Variants in PECR observed in about 807,000 individuals in gnomAD.
PECR encodes the protein 2,4-dienoyl-CoA reductase-related protein.
PECR carries 30 observed loss-of-function variants against 35.3 expected under a neutral mutation model. The observed-to-expected ratio is 0.85, with a 90% CI of 0.64 to 1.15. PECR has a LOEUF of 1.15. PECR is among the 50% of genes most tolerant of loss of function. The pLI, the probability that PECR is intolerant of heterozygous loss-of-function variation, is 0.00. For synonymous variants in PECR, 148 were observed against 138.9 expected (o/e 1.07, Z -0.46); for missense variants, 392 against 370.8 (o/e 1.06, Z -0.47).
At chr2:216,067,137 T>C (rs1695482378) in intron 1 of PECR, among the ~76,000 whole-genome samples, 3 of 152,116 alleles carry the variant, frequency 2.0e-5, no homozygotes, top group Admixed American at 2.0e-4. Flanking sequence ...AAAGTCTCCC[T>C]GGCGGAAGAG....
chr2:216,048,741 C>T (rs2105948432), intron 6 of PECR, among the ~76,000 whole-genome samples: 1 of 149,998 alleles, frequency 6.7e-6, no homozygotes, highest in East Asian at 2.0e-4. Context: ...TCATCATCAT[C>T]ATCCCAGCAC....
downstream of PECR, among the ~76,000 whole-genome samples, chr2:216,037,993 C>A (rs1694823351): frequency 6.8e-6 from 1 of 147,760 alleles, no homozygotes; most frequent in Non-Finnish European, 1.5e-5. Flanking sequence ...GCTGAAGCAG[C>A]AGAATCACTT....
At chr2:216,054,308 A>AAT (rs1402024185) in intron 4 of PECR, among the ~76,000 whole-genome samples, 1 of 150,830 alleles carries the variant, frequency 6.6e-6, no homozygotes, top group Non-Finnish European at 1.5e-5. Context: ...GAAAAAAAAA[A>AAT]AAGAAAAGTA....
At chr2:216,064,663 G>A in intron 3 of PECR, among the ~76,000 whole-genome samples, 1 of 152,190 alleles carries the variant, frequency 6.6e-6, no homozygotes, top group East Asian at 1.9e-4. Flanking sequence ...TCACGACTTA[G>A]ACAGAGGTTG....
chr2:216,040,032 A>G (rs1326704427), intron 7 of PECR, among the ~76,000 whole-genome samples: 1 of 152,168 alleles, frequency 6.6e-6, no homozygotes, highest in Non-Finnish European at 1.5e-5. Flanking sequence ...TCAGCCTTAC[A>G]CATAGAAACA....
chr2:216,034,525 C>G (rs575469464), downstream of PECR, among the ~76,000 whole-genome samples: 1 of 152,108 alleles, frequency 6.6e-6, no homozygotes, highest in Admixed American at 6.5e-5. Context: ...TTTTTCCTAC[C>G]CAATTCCCTT....
At chr2:216,054,906 T>C (rs948958161) in intron 4 of PECR, among the ~76,000 whole-genome samples, 4 of 137,116 alleles carry the variant, frequency 2.9e-5, no homozygotes, top group Admixed American at 1.5e-4. Flanking sequence ...AGGTCAGGAG[T>C]TCAAGACCAG....
intron 7 of PECR, among the ~76,000 whole-genome samples, chr2:216,040,189 C>T (rs1048416447): frequency 1.3e-5 from 2 of 152,178 alleles, no homozygotes; most frequent in Non-Finnish European, 2.9e-5. Flanking sequence ...AGTTATGTGC[C>T]AGCGAATTCC....
At position 216,043,729 on chromosome 2, in the gene PECR, C is replaced by T. The variant is rs549848352; in HGVS notation, c.826+175G>A. Reference sequence around the variant, plus strand: ...CATAATATAGATAGTTAGATATTTTCTGTGACTAGGAATATTTCATTAAAA... The same window carrying T: ...CATAATATAGATAGTTAGATATTTTTTGTGACTAGGAATATTTCATTAAAA... On this transcript the variant is annotated intron_variant, in intron 7 of 7. Transcript: ENST00000265322. Among the ~76,000 whole-genome samples the T allele has an allele frequency of 4.9e-4, 74 of 152,250 alleles. No homozygotes were observed. The South Asian group carries it at 0.015, about 32-fold the overall frequency.
At chr2:216,044,640 G>A (rs1190943947) in intron 6 of PECR, among the ~76,000 whole-genome samples, 1 of 152,016 alleles carries the variant, frequency 6.6e-6, no homozygotes, top group African/African-American at 2.4e-5. Flanking sequence ...AGGTTGCAGT[G>A]AGCCAAGACT....
chr2:216,031,661 AAG>A (rs753983198), intron 7 of PECR, among the ~76,000 whole-genome samples: 5 of 72,110 alleles, frequency 6.9e-5, no homozygotes, highest in African/African-American at 1.1e-4. Flanking sequence ...GAAAGAAAGA[AAG>A]AAAGAAAGAA....
At chr2:216,045,120 G>T (rs541340355) in intron 6 of PECR, among the ~76,000 whole-genome samples, 31 of 152,318 alleles carry the variant, frequency 2.0e-4, no homozygotes, top group African/African-American at 7.0e-4. Flanking sequence ...TCCCTCAGAG[G>T]GAGTGGGTCC....
intron 1 of PECR, among the ~76,000 whole-genome samples, chr2:216,068,041 A>G (rs1299458769): frequency 6.6e-6 from 1 of 151,690 alleles, no homozygotes; most frequent in East Asian, 1.9e-4. Context: ...AGCCTGACCA[A>G]CATGGTGAAA....
chr2:216,046,304 A>ATTTTTTTTT (rs1559209216), intron 6 of PECR, among the ~76,000 whole-genome samples: 1 of 115,134 alleles, frequency 8.7e-6, no homozygotes, highest in African/African-American at 4.0e-5. Flanking sequence ...ATATATATAT[A>ATTTTTTTTT]TATATATTTT....
intron 6 of PECR, among the ~76,000 whole-genome samples, chr2:216,048,016 C>T (rs529120401): frequency 6.7e-6 from 1 of 148,886 alleles, no homozygotes; most frequent in Non-Finnish European, 1.5e-5. Context: ...GGTAAGTTTA[C>T]TACTAGTTAT....
intron 3 of PECR, among the ~76,000 whole-genome samples, chr2:216,063,453 A>T (rs1695399462): frequency 6.6e-6 from 1 of 152,030 alleles, no homozygotes; most frequent in Non-Finnish European, 1.5e-5. Flanking sequence ...CCCCGTCTCT[A>T]CTAAAAATAT....
chr2:216,049,496 C>G, intron 5 of PECR, 123 bp from the exon 6 acceptor site: 1 of 592,088 alleles, frequency 1.7e-6, no homozygotes, highest in Non-Finnish European at 3.0e-6. Context: ...AAAAAGTTAA[C>G]AGTGCTGATA....
intron 7 of PECR, among the ~76,000 whole-genome samples, chr2:216,031,880 C>T (rs1694716832): frequency 1.3e-5 from 2 of 152,166 alleles, no homozygotes; most frequent in African/African-American, 4.8e-5. Flanking sequence ...TTATCTTCCT[C>T]CTCATCTTTT....
chr2:216,058,216 C>T (rs1695266083), intron 4 of PECR, among the ~76,000 whole-genome samples: 1 of 152,158 alleles, frequency 6.6e-6, no homozygotes, highest in Admixed American at 6.5e-5. Context: ...CTAACAACTT[C>T]TCCCAAGTGA....
Sources: gnomAD v4.1 joint callset for allele counts (sites outside exome capture counted in the v4.1 genomes callset) on GRCh38, gnomAD v4.1.1 for gene constraint, MANE v1.5 for transcripts, NCBI Gene and HGNC (gene_info 2026-07-23, HGNC 2026-07-21) for gene names.